The following PIK3AP1 variants were observed in gnomAD, a reference collection of about 807,000 sequenced individuals.
The protein encoded by PIK3AP1 is phosphoinositide-3-kinase adaptor protein 1.
PIK3AP1 carries 21 observed loss-of-function variants against 88.1 expected under a neutral mutation model. The observed-to-expected ratio is 0.24, with a 90% CI of 0.17 to 0.34. The LOEUF is 0.34. Among genes scored for constraint, PIK3AP1 ranks in the 10% least tolerant of loss-of-function variants. The probability of loss-of-function intolerance (pLI) is 1.00; values close to 1 mark genes in which losing one functional copy is unlikely to be tolerated. For missense variants in PIK3AP1, 828 were observed against 1,035.7 expected (o/e 0.80, Z 2.75); for synonymous variants, 398 against 400.0 (o/e 1.00, Z 0.06).
intron 2 of PIK3AP1, among the ~76,000 whole-genome samples, chr10:96,695,481 C>T (rs1250654003): frequency 6.6e-6 from 1 of 152,212 alleles, no homozygotes; most frequent in East Asian, 1.9e-4. Flanking sequence ...GCCTCCCCCG[C>T]TATTTCCTGT....
Position 96,593,991 on chromosome 10 carries a change from G to A in PIK3AP1, c.*1586C>T, listed in dbSNP as rs113672773. ...TGTGGATTTTTTTACATTCGTGTGG[G>A]ATAGAGAATAATCCCATGGGAAACA... On this transcript the variant is annotated 3_prime_UTR_variant, in exon 17 of 17. Coordinates refer to ENST00000339364, the MANE Select transcript of PIK3AP1 (RefSeq NM_152309.3). 1.6e-4 allele frequency: 25 copies of A among 152,238 alleles called. No homozygotes were observed. The highest frequency in any genetic ancestry group is 5.8e-4 in the African/African-American group (24 of 41,530). The allele number at this position is 152,238 out of a possible 1,614,324, so 9.4% of individuals were successfully genotyped here. A position where few individuals can be genotyped will look rare whatever the true frequency, so the allele number is the denominator to read the frequency against.
At position 96,616,622 on chromosome 10, in the gene PIK3AP1, C is replaced by T. The variant is rs752466455; in HGVS notation, c.2014+17G>A. 1 of 1,612,912 alleles carries T rather than the reference C, an allele frequency of 6.2e-7. No individual in the cohort carries two copies. The highest frequency in any genetic ancestry group is 1.1e-5 in the South Asian group (1 of 91,050). On this transcript the variant is annotated intron_variant, in intron 13 of 16. Transcript: ENST00000339364. ...AGCAATGTCCCACACAATGCAGCAC[C>T]CTAGGAAGCCACATACCTGTCTGCT...
intron 8 of PIK3AP1, among the ~76,000 whole-genome samples, chr10:96,638,471 G>GACACAC (rs60796576): frequency 0.018 from 2,738 of 148,214 alleles, 61 homozygotes; most frequent in African/African-American, 0.046. Context: ...CACACACACA[G>GACACAC]ACACACACAC....
intron 1 of PIK3AP1, among the ~76,000 whole-genome samples, chr10:96,717,985 C>T (rs972471231): frequency 2.8e-4 from 42 of 152,226 alleles, no homozygotes; most frequent in African/African-American, 9.4e-4. Flanking sequence ...TAAAAAGGAA[C>T]GAAGTACTGA....
At chr10:96,683,846 G>A (rs1844033590) in intron 2 of PIK3AP1, among the ~76,000 whole-genome samples, 1 of 152,220 alleles carries the variant, frequency 6.6e-6, no homozygotes, top group African/African-American at 2.4e-5. Context: ...AAATGTCAGG[G>A]AAATTGTAAT....
chr10:96,615,243 A>T (rs10736114), intron 13 of PIK3AP1, among the ~76,000 whole-genome samples: 1 of 151,956 alleles, frequency 6.6e-6, no homozygotes, highest in South Asian at 2.1e-4. Flanking sequence ...TCAGATCACA[A>T]AGGGCCTTGT....
chr10:96,650,285 G>A (rs773527897), intron 6 of PIK3AP1, among the ~76,000 whole-genome samples: 3 of 152,200 alleles, frequency 2.0e-5, no homozygotes, highest in Non-Finnish European at 2.9e-5. Flanking sequence ...AGGATGGAAC[G>A]TAGGCAGAAG....
rs1403130609 is a variant in PIK3AP1 at position 96,604,038 on chromosome 10, T to C, written c.2182A>G (p.Asn728Asp). ...STSSTASSTS[N>D]RSSTRSLLSV... ...AGGAGGCTCCGGGTGCTGGAGCGGT[T>C]ACTTGTGCTACCTAAAGGGTAGAAA... Residue 728 changes from asparagine to aspartate, a missense_variant, in exon 15 of 17, where the codon AAC becomes GAC. This residue lies in a region of PIK3AP1 where 191 missense variants were observed against 208.6 expected (regional missense o/e 0.92). Coordinates refer to ENST00000339364, the MANE Select transcript of PIK3AP1 (RefSeq NM_152309.3). The C allele has an allele frequency of 7.5e-6, 12 of 1,601,786 alleles. No individual in the cohort carries two copies. The highest frequency in any genetic ancestry group is 1.0e-5 in the Non-Finnish European group (12 of 1,172,700).
At chr10:96,618,589 TAAAAAAAAA>T (rs5787201) in intron 12 of PIK3AP1, 1 of 143,436 alleles carries the variant, frequency 7.0e-6, no homozygotes, top group African/African-American at 2.6e-5. Flanking sequence ...CAAGAAAATG[TAAAAAAAAA>T]AAAAAAGAAA....
intron 1 of PIK3AP1, among the ~76,000 whole-genome samples, chr10:96,711,917 AT>A (rs1408302072): frequency 1.4e-3 from 207 of 145,312 alleles, no homozygotes; most frequent in African/African-American, 2.5e-3. Context: ...CGCCCGGCTA[AT>A]TTTTTTTTTT....
intron 14 of PIK3AP1, among the ~76,000 whole-genome samples, chr10:96,609,056 T>C (rs1849057236): frequency 6.6e-6 from 1 of 152,234 alleles, no homozygotes; most frequent in South Asian, 2.1e-4. Context: ...AGACGACTAT[T>C]GAAGCTTTCC....
intron 3 of PIK3AP1, among the ~76,000 whole-genome samples, chr10:96,654,316 T>C (rs140307649): frequency 6.6e-6 from 1 of 152,168 alleles, no homozygotes; most frequent in Non-Finnish European, 1.5e-5. Flanking sequence ...CCAAAAAACA[T>C]GGGGAAAGGA....
intron 2 of PIK3AP1, among the ~76,000 whole-genome samples, chr10:96,661,518 G>C (rs2134243453): frequency 6.6e-6 from 1 of 152,292 alleles, no homozygotes; most frequent in South Asian, 2.1e-4. Context: ...GATGTTGATG[G>C]GGGTGGGAGG....
At chr10:96,635,966 G>A (rs937983894) in intron 8 of PIK3AP1, among the ~76,000 whole-genome samples, 1 of 152,070 alleles carries the variant, frequency 6.6e-6, no homozygotes, top group Admixed American at 6.5e-5. Context: ...CCAGCACTTT[G>A]GGAGGCCGAG....
At chr10:96,595,750 G>T in intron 16 of PIK3AP1, 116 bp from the exon 17 acceptor site, 1 of 952,580 alleles carries the variant, frequency 1.0e-6, no homozygotes, top group Non-Finnish European at 1.6e-6. Context: ...TCCTCAATGA[G>T]ACAGGACACA....
At chr10:96,716,067 C>T (rs56216572) in intron 1 of PIK3AP1, among the ~76,000 whole-genome samples, 20,225 of 151,868 alleles carry the variant, frequency 0.13, 1,524 homozygotes, top group South Asian at 0.23. Flanking sequence ...GATCACTTGA[C>T]GCCAGGAGTT....
intron 16 of PIK3AP1, among the ~76,000 whole-genome samples, chr10:96,597,293 TC>T (rs1848779557): frequency 7.0e-5 from 9 of 128,660 alleles, no homozygotes; most frequent in South Asian, 3.0e-4. Context: ...CTTCCTTCCT[TC>T]CTTCCTTCCT....
In PIK3AP1 at chr10:96,652,562, G is replaced by A. The variant is rs1843554150; in HGVS notation, c.712+136C>T. On this transcript the variant is annotated intron_variant, in intron 4 of 16. Coordinates refer to ENST00000339364, the MANE Select transcript of PIK3AP1 (RefSeq NM_152309.3). ...CACTCCAGCCTGGGAGACAGAGCGA[G>A]ACTCTGTCTCAAAAAAAAAAAATCA... 2.8e-6 allele frequency: 3 copies of A among 1,068,658 alleles called. No individual in the cohort carries two copies. In the East Asian group the frequency reaches 7.4e-5, roughly 26 times the overall value. The allele number at this position is 1,068,658 out of a possible 1,614,324, so 66.2% of individuals were successfully genotyped here.
intron 8 of PIK3AP1, among the ~76,000 whole-genome samples, chr10:96,643,593 C>T (rs901305919): frequency 1.3e-5 from 2 of 152,186 alleles, no homozygotes; most frequent in Non-Finnish European, 2.9e-5. Flanking sequence ...ATTGCTCTTT[C>T]CCCTAAAGGA....
Sources: allele counts gnomAD v4.1 joint callset (sites outside exome capture counted in the v4.1 genomes callset), GRCh38; gene constraint gnomAD v4.1.1; regional missense constraint gnomAD v4.1.1; transcripts MANE v1.5; gene names NCBI Gene and HGNC (gene_info 2026-07-23, HGNC 2026-07-21).